Variants in SPAG16 observed in about 807,000 individuals in gnomAD.
SPAG16 encodes the protein sperm-associated antigen 16 protein.
SPAG16 carries 86 observed loss-of-function variants against 80.4 expected under a neutral mutation model. The observed-to-expected ratio is 1.07, with a 90% CI of 0.90 to 1.28. The LOEUF is 1.28. Among genes scored for constraint, SPAG16 ranks in the 50% most tolerant of loss-of-function variants. SPAG16 has a pLI of 0.00. For synonymous variants in SPAG16, 294 were observed against 265.9 expected (o/e 1.11, Z -1.03); for missense variants, 870 against 765.3 (o/e 1.14, Z -1.61).
chr2:213,508,424 T>C (rs2075062763), intron 10 of SPAG16, among the ~76,000 whole-genome samples: 1 of 151,694 alleles, frequency 6.6e-6, no homozygotes, highest in South Asian at 2.1e-4. Flanking sequence ...TACAAAAAAT[T>C]AGCCGGGCGC....
At chr2:214,015,258 G>A (rs934349865) in intron 13 of SPAG16, among the ~76,000 whole-genome samples, 1 of 152,174 alleles carries the variant, frequency 6.6e-6, no homozygotes. Flanking sequence ...AAAAGAGGAA[G>A]GGCAGTATCA....
intron 9 of SPAG16, among the ~76,000 whole-genome samples, chr2:213,472,493 G>A (rs1327280729): frequency 6.6e-6 from 1 of 152,142 alleles, no homozygotes; most frequent in African/African-American, 2.4e-5. Context: ...GTCCTTGATG[G>A]TGGCACTAAT....
intron 10 of SPAG16, among the ~76,000 whole-genome samples, chr2:213,545,896 T>C (rs1165063156): frequency 1.3e-5 from 2 of 152,102 alleles, no homozygotes; most frequent in Non-Finnish European, 2.9e-5. Context: ...ACCTTCCATA[T>C]ACGAACTTCC....
chr2:214,104,816 A>G (rs1232741907), intron 13 of SPAG16, among the ~76,000 whole-genome samples: 1 of 152,064 alleles, frequency 6.6e-6, no homozygotes, highest in Non-Finnish European at 1.5e-5. Context: ...TTACAGAGGT[A>G]TGGGCGGCAT....
intron 9 of SPAG16, among the ~76,000 whole-genome samples, chr2:213,457,102 T>C (rs1250658762): frequency 6.6e-6 from 1 of 152,198 alleles, no homozygotes. Context: ...CTCCCAGAAA[T>C]CATGCCTTAT....
chr2:214,345,562 C>A (rs1470264432), intron 15 of SPAG16, among the ~76,000 whole-genome samples: 1 of 152,070 alleles, frequency 6.6e-6, no homozygotes, highest in Non-Finnish European at 1.5e-5. Context: ...CTATTACTTG[C>A]ATCAAAAATG....
At chr2:213,785,569 T>C (rs2070284684) in intron 10 of SPAG16, among the ~76,000 whole-genome samples, 1 of 152,220 alleles carries the variant, frequency 6.6e-6, no homozygotes, top group South Asian at 2.1e-4. Context: ...TTTCTATTTA[T>C]TAGGTTCTAA....
At chr2:213,651,475 T>G (rs2063020804) in intron 10 of SPAG16, among the ~76,000 whole-genome samples, 4 of 152,116 alleles carry the variant, frequency 2.6e-5, no homozygotes, top group Non-Finnish European at 5.9e-5. Flanking sequence ...CCCAAGAGTT[T>G]GGGAAGCTGC....
At chr2:213,812,659 C>T (rs1372493281) in intron 10 of SPAG16, among the ~76,000 whole-genome samples, 2 of 152,046 alleles carry the variant, frequency 1.3e-5, no homozygotes, top group African/African-American at 2.4e-5. Flanking sequence ...CTCCTGGTAT[C>T]TGGAACATTT....
intron 9 of SPAG16, among the ~76,000 whole-genome samples, chr2:213,481,178 T>A (rs749293305): frequency 9.2e-5 from 14 of 152,176 alleles, no homozygotes; most frequent in Non-Finnish European, 1.8e-4. Flanking sequence ...TTGTTTATTT[T>A]AAATAAAAAT....
chr2:213,514,448 A>G (rs1339747345), intron 10 of SPAG16, among the ~76,000 whole-genome samples: 1 of 152,200 alleles, frequency 6.6e-6, no homozygotes, highest in Non-Finnish European at 1.5e-5. Flanking sequence ...TTACTATTAG[A>G]AATTTATAAT....
intron 15 of SPAG16, among the ~76,000 whole-genome samples, chr2:214,268,483 T>C (rs2125887184): frequency 6.6e-6 from 1 of 152,010 alleles, no homozygotes; most frequent in Non-Finnish European, 1.5e-5. Context: ...AAAAGTAAAT[T>C]TGTCATTTTT....
chr2:213,834,416 A>G (rs919876630), intron 10 of SPAG16, among the ~76,000 whole-genome samples: 6 of 152,206 alleles, frequency 3.9e-5, no homozygotes, highest in African/African-American at 1.4e-4. Flanking sequence ...GAAGTGGATT[A>G]AACAAAGAGG....
intron 15 of SPAG16, among the ~76,000 whole-genome samples, chr2:214,271,938 C>T (rs1042666860): frequency 1.2e-4 from 18 of 149,754 alleles, no homozygotes; most frequent in African/African-American, 4.4e-4. Context: ...AGAGGTTAAG[C>T]TTTGAAGAGT....
Position 213,662,160 on chromosome 2 carries a change from G to A in SPAG16, c.1070+172070G>A, listed in dbSNP as rs555874951. 3.3e-5 allele frequency among the ~76,000 whole-genome samples: 5 copies of A among 152,122 alleles called. 1 individual carries two copies. In the East Asian group the frequency reaches 9.7e-4, roughly 29 times the overall value. The stretch of plus-strand genomic sequence containing the variant: ...ACCTTATATAGTTGTGGGGAAAGGT[G>A]AGGGGTGAGGGGGAGGGGAAAGGTT... On this transcript the variant is annotated intron_variant, in intron 10 of 15. Transcript: ENST00000331683.
chr2:213,409,409 T>G (rs1175413569), intron 9 of SPAG16, among the ~76,000 whole-genome samples: 1 of 152,164 alleles, frequency 6.6e-6, no homozygotes, highest in Non-Finnish European at 1.5e-5. Flanking sequence ...TATTTTGTTT[T>G]AAAGGTTTAA....
At position 213,594,641 on chromosome 2, in the gene SPAG16, G is replaced by A. The variant is rs142345192; in HGVS notation, c.1070+104551G>A. 4.6e-5 allele frequency among the ~76,000 whole-genome samples: 7 copies of A among 152,212 alleles called. No homozygotes were observed. In the East Asian group the frequency reaches 1.4e-3, roughly 29 times the overall value. ...GTTTCACTAAGTGATTACTCCTGTG[G>A]GTTCCCAGTAAATGTTATCGCAATT... On this transcript the variant is annotated intron_variant, in intron 10 of 15. Coordinates refer to ENST00000331683, the MANE Select transcript of SPAG16 (RefSeq NM_024532.5).
At chr2:213,426,357 T>A (rs1051050410) in intron 9 of SPAG16, among the ~76,000 whole-genome samples, 1 of 151,988 alleles carries the variant, frequency 6.6e-6, no homozygotes, top group Non-Finnish European at 1.5e-5. Flanking sequence ...TTTGAGATTA[T>A]TGAAATGAGC....
chr2:214,139,871 A>C (rs1371157413), intron 14 of SPAG16, among the ~76,000 whole-genome samples: 1 of 152,172 alleles, frequency 6.6e-6, no homozygotes, highest in Non-Finnish European at 1.5e-5. Flanking sequence ...TAACCTAAGC[A>C]TTTGTTTTTA....
Sources: gnomAD v4.1 joint callset for allele counts (sites outside exome capture counted in the v4.1 genomes callset) on GRCh38, gnomAD v4.1.1 for gene constraint, MANE v1.5 for transcripts, NCBI Gene and HGNC (gene_info 2026-07-23, HGNC 2026-07-21) for gene names.